The following SLIT2 variants were observed in gnomAD, a reference collection of about 807,000 sequenced individuals.
SLIT2 encodes slit guidance ligand 2.
Under a neutral mutation model 185.7 loss-of-function variants are expected in SLIT2, and 41 were observed. The ratio of observed to expected loss-of-function variants is 0.22; its 90% CI spans 0.17 to 0.29. The LOEUF (loss-of-function observed/expected upper bound fraction) is 0.29. SLIT2 is among the 10% of genes least tolerant of loss of function. The pLI is 1.00. For missense variants in SLIT2, 1,571 were observed against 1,909.0 expected, an observed-to-expected ratio of 0.82 and a Z score of 3.30; for synonymous variants, 693 against 680.2, an observed-to-expected ratio of 1.02 and a Z score of -0.29.
intron 4 of SLIT2, among the ~76,000 whole-genome samples, chr4:20,322,575 T>C (rs1719191777): frequency 6.6e-6 from 1 of 152,194 alleles, no homozygotes; most frequent in South Asian, 2.1e-4. Flanking sequence ...CCAGCCATTT[T>C]TTCAAGTCTG....
chr4:20,353,043 A>C (rs1484492226), intron 4 of SLIT2, among the ~76,000 whole-genome samples: 1 of 152,226 alleles, frequency 6.6e-6, no homozygotes, highest in East Asian at 1.9e-4. Flanking sequence ...CAGCAGTATA[A>C]CGGAGAAGCA....
chr4:20,542,692 G>A, intron 21 of SLIT2, 66 bp downstream of exon 21: 2 of 1,491,886 alleles, frequency 1.3e-6, no homozygotes, highest in Non-Finnish European at 9.2e-7. Context: ...TACACCCAGA[G>A]GAATGGACAA....
At chr4:20,306,849 T>C (rs1577401802) in intron 4 of SLIT2, among the ~76,000 whole-genome samples, 2 of 152,278 alleles carry the variant, frequency 1.3e-5, no homozygotes, top group Admixed American at 1.3e-4. Context: ...GAAAGCTGAA[T>C]CCTTGCTTGC....
chr4:20,607,150 T>C (rs1001403324), intron 33 of SLIT2, among the ~76,000 whole-genome samples: 2 of 152,150 alleles, frequency 1.3e-5, no homozygotes, highest in Non-Finnish European at 2.9e-5. Context: ...TCCTTTGCTC[T>C]TCCTATTTGC....
chr4:20,281,268 C>T (rs988041424), intron 4 of SLIT2, among the ~76,000 whole-genome samples: 10 of 152,166 alleles, frequency 6.6e-5, no homozygotes, highest in African/African-American at 1.7e-4. Context: ...TCTCAAACAT[C>T]GCTAGTGGTA....
chr4:20,566,203 A>G (rs891602069), intron 26 of SLIT2, among the ~76,000 whole-genome samples: 4 of 152,062 alleles, frequency 2.6e-5, no homozygotes, highest in Non-Finnish European at 5.9e-5. Flanking sequence ...ATTGCTTGTG[A>G]TAAAATGTTC....
chr4:20,463,911 T>A (rs866620947), intron 4 of SLIT2, among the ~76,000 whole-genome samples: 2 of 151,618 alleles, frequency 1.3e-5, no homozygotes, highest in African/African-American at 4.8e-5. Flanking sequence ...ACCATAATCA[T>A]AATTAGCACT....
chr4:20,343,506 C>CA (rs1721130124), intron 4 of SLIT2, among the ~76,000 whole-genome samples: 1 of 149,804 alleles, frequency 6.7e-6, no homozygotes, highest in African/African-American at 2.5e-5. Flanking sequence ...CTTCATAAAA[C>CA]TTTTTTTTTT....
intron 29 of SLIT2, among the ~76,000 whole-genome samples, chr4:20,575,666 A>G (rs1486935227): frequency 6.6e-6 from 1 of 152,008 alleles, no homozygotes; most frequent in East Asian, 1.9e-4. Context: ...TTTCTCATTC[A>G]TGATTTATGC....
chr4:20,503,272 G>A (rs1253383105), intron 9 of SLIT2, among the ~76,000 whole-genome samples: 1 of 152,110 alleles, frequency 6.6e-6, no homozygotes, highest in Admixed American at 6.6e-5. Flanking sequence ...CAGTGCAGGG[G>A]TGGAGAATAA....
At chr4:20,537,064 G>A (rs1408494702) in intron 18 of SLIT2, among the ~76,000 whole-genome samples, 1 of 152,176 alleles carries the variant, frequency 6.6e-6, no homozygotes, top group African/African-American at 2.4e-5. Context: ...ACCTCCGGAA[G>A]GACCTGCCTG....
At chr4:20,430,954 A>G (rs1004806703) in intron 4 of SLIT2, among the ~76,000 whole-genome samples, 1 of 152,232 alleles carries the variant, frequency 6.6e-6, no homozygotes, top group Admixed American at 6.5e-5. Flanking sequence ...GTAACTGTCC[A>G]GAAGAAACCC....
chr4:20,474,086 T>C (rs1022383321), intron 5 of SLIT2, among the ~76,000 whole-genome samples: 4 of 152,066 alleles, frequency 2.6e-5, no homozygotes, highest in African/African-American at 9.7e-5. Flanking sequence ...CTATCCTTAC[T>C]CTTAAATTCC....
chr4:20,448,921 C>T (rs1023169422), intron 4 of SLIT2, among the ~76,000 whole-genome samples: 2 of 152,148 alleles, frequency 1.3e-5, no homozygotes, highest in Non-Finnish European at 2.9e-5. Flanking sequence ...CAGGCGTGGG[C>T]CACAGCGCCT....
At chr4:20,557,227 T>G (rs1724338408) in intron 26 of SLIT2, among the ~76,000 whole-genome samples, 1 of 152,076 alleles carries the variant, frequency 6.6e-6, no homozygotes, top group African/African-American at 2.4e-5. Context: ...ACAACAGATT[T>G]TCAATGTAGA....
In SLIT2 at chr4:20,619,156, T is replaced by C. The variant is rs1729907959; in HGVS notation, c.*147T>C. On this transcript the variant is annotated 3_prime_UTR_variant, in exon 37 of 37. Coordinates refer to ENST00000504154, the MANE Select transcript of SLIT2 (RefSeq NM_004787.4). ...TTATTATGAGAATAAAGACTTTTTT[T>C]CTGCATTTGGAAAAAAAAAAAAAGA... The C allele has an allele frequency of 7.3e-6, 6 of 821,482 alleles. No homozygotes were observed. The highest frequency in any genetic ancestry group is 8.8e-6 in the Non-Finnish European group (5 of 570,892). The allele number at this position is 821,482 out of a possible 1,614,324, so 50.9% of individuals were successfully genotyped here. A position where few individuals can be genotyped will look rare whatever the true frequency, so the allele number is the denominator to read the frequency against.
At chr4:20,411,681 A>G (rs1301943866) in intron 4 of SLIT2, among the ~76,000 whole-genome samples, 3 of 152,214 alleles carry the variant, frequency 2.0e-5, no homozygotes, top group Non-Finnish European at 4.4e-5. Context: ...GAATCTTACT[A>G]CAAAATCCAT....
intron 21 of SLIT2, among the ~76,000 whole-genome samples, chr4:20,543,467 C>T (rs1304622458): frequency 1.3e-5 from 2 of 152,144 alleles, no homozygotes; most frequent in African/African-American, 4.8e-5. Context: ...GTTCTGAATA[C>T]AATTGAGTCA....
intron 4 of SLIT2, among the ~76,000 whole-genome samples, chr4:20,376,509 G>C (rs2109331205): frequency 6.6e-6 from 1 of 152,132 alleles, no homozygotes; most frequent in South Asian, 2.1e-4. Flanking sequence ...ATGGTGCAAT[G>C]ATGCCGAAAT....
Sources: gnomAD v4.1 joint callset for allele counts (sites outside exome capture counted in the v4.1 genomes callset) on GRCh38, gnomAD v4.1.1 for gene constraint, MANE v1.5 for transcripts, NCBI Gene and HGNC (gene_info 2026-07-23, HGNC 2026-07-21) for gene names.